PAM: variants seen among roughly 807,000 people sequenced by gnomAD.
PAM encodes the protein peptidyl-glycine alpha-amidating monooxygenase.
In PAM, 72 loss-of-function variants were observed where a neutral mutation model predicts 122.1. The ratio of observed to expected loss-of-function variants is 0.59; its 90% CI spans 0.49 to 0.72. PAM has a LOEUF of 0.72. Ranked by LOEUF, PAM falls within the 30% of genes least tolerant of loss-of-function variation. The probability of loss-of-function intolerance (pLI) is 0.00; values close to 1 mark genes in which losing one functional copy is unlikely to be tolerated. For missense variants in PAM, 1,106 were observed against 1,183.7 expected (o/e 0.93, Z 0.96); for synonymous variants, 389 against 404.4 (o/e 0.96, Z 0.46).
chr5:102,902,611 A>T (rs770215150), intron 4 of PAM, among the ~76,000 whole-genome samples: 2 of 151,624 alleles, frequency 1.3e-5, no homozygotes, highest in African/African-American at 4.8e-5. Context: ...TATTTAGAAC[A>T]TACATTCATA....
chr5:102,867,475 T>G, intron 3 of PAM, 82 bp downstream of exon 3: 1 of 990,092 alleles, frequency 1.0e-6, no homozygotes, highest in Non-Finnish European at 1.5e-6. Context: ...TTTACAGCTG[T>G]AGGAACTTCT....
intron 1 of PAM, among the ~76,000 whole-genome samples, chr5:102,772,476 G>A (rs1756073215): frequency 6.6e-6 from 1 of 152,058 alleles, no homozygotes; most frequent in Non-Finnish European, 1.5e-5. Flanking sequence ...AAAGGGGATT[G>A]CATTTTGTGT....
intron 3 of PAM, among the ~76,000 whole-genome samples, chr5:102,884,110 G>C (rs1792211139): frequency 6.6e-6 from 1 of 151,804 alleles, no homozygotes; most frequent in Non-Finnish European, 1.5e-5. Flanking sequence ...CAAGGAGTAA[G>C]TTATAAAGAG....
intron 4 of PAM, among the ~76,000 whole-genome samples, chr5:102,909,852 C>A (rs764019856): frequency 7.2e-5 from 11 of 151,862 alleles, no homozygotes; most frequent in Non-Finnish European, 1.6e-4. Flanking sequence ...ATACAAGCAA[C>A]AATTCTAGAA....
At chr5:102,992,092 A>G (rs1187809629) in intron 16 of PAM, among the ~76,000 whole-genome samples, 1 of 152,172 alleles carries the variant, frequency 6.6e-6, no homozygotes, top group African/African-American at 2.4e-5. Flanking sequence ...AAGATGAAGT[A>G]AGACTATGAA....
intron 15 of PAM, among the ~76,000 whole-genome samples, chr5:102,981,546 G>T (rs968144470): frequency 8.1e-5 from 12 of 148,188 alleles, no homozygotes; most frequent in African/African-American, 2.9e-4. Flanking sequence ...CTAAAACATA[G>T]ACTTTAATGC....
At chr5:102,946,482 A>G (rs1320160414) in intron 7 of PAM, among the ~76,000 whole-genome samples, 4 of 151,236 alleles carry the variant, frequency 2.6e-5, no homozygotes, top group Non-Finnish European at 5.9e-5. Context: ...GGAGCAAACT[A>G]TTTTAGTTCA....
At chr5:102,936,461 T>A (rs116407707) in intron 7 of PAM, among the ~76,000 whole-genome samples, 1 of 152,120 alleles carries the variant, frequency 6.6e-6, no homozygotes, top group Admixed American at 6.6e-5. Flanking sequence ...AGTTCCAACA[T>A]AGGTCTTTGT....
intron 1 of PAM, among the ~76,000 whole-genome samples, chr5:102,828,526 T>C (rs1774351234): frequency 6.6e-6 from 1 of 152,184 alleles, no homozygotes; most frequent in African/African-American, 2.4e-5. Context: ...AACTGCTATC[T>C]GTGCTCTGAT....
chr5:102,857,928 T>C (rs1339891061), intron 1 of PAM, among the ~76,000 whole-genome samples: 9 of 152,164 alleles, frequency 5.9e-5, no homozygotes, highest in East Asian at 5.8e-4. Flanking sequence ...TGTTGAAGAG[T>C]ATGGATTAAG....
At chr5:102,886,330 T>A (rs998838043) in intron 3 of PAM, among the ~76,000 whole-genome samples, 2 of 152,028 alleles carry the variant, frequency 1.3e-5, no homozygotes, top group African/African-American at 4.8e-5. Context: ...CCCAAAGATA[T>A]TATAATGTAC....
chr5:102,882,743 C>T (rs1460081766), intron 3 of PAM, among the ~76,000 whole-genome samples: 2 of 151,770 alleles, frequency 1.3e-5, no homozygotes. Context: ...ACCTATTTAT[C>T]TTTGTTTTTG....
intron 16 of PAM, among the ~76,000 whole-genome samples, chr5:102,998,586 A>T (rs1201884238): frequency 1.3e-5 from 2 of 152,230 alleles, no homozygotes; most frequent in Non-Finnish European, 2.9e-5. Flanking sequence ...TTCCAAGGAA[A>T]TAAACTAAGA....
intron 16 of PAM, among the ~76,000 whole-genome samples, chr5:103,000,646 G>A (rs550190679): frequency 6.6e-6 from 1 of 152,168 alleles, no homozygotes; most frequent in African/African-American, 2.4e-5. Context: ...CAGCATGGCT[G>A]GAGGAGCCTC....
intron 7 of PAM, among the ~76,000 whole-genome samples, chr5:102,942,692 C>T (rs1361922044): frequency 6.6e-6 from 1 of 151,238 alleles, no homozygotes; most frequent in East Asian, 2.0e-4. Flanking sequence ...AAGCAATCCT[C>T]ACAAGTAGCT....
chr5:102,814,090 C>T (rs1245751373), intron 1 of PAM, among the ~76,000 whole-genome samples: 1 of 152,158 alleles, frequency 6.6e-6, no homozygotes, highest in Non-Finnish European at 1.5e-5. Context: ...GAACTGTTCC[C>T]GTGTGCTTTT....
chr5:102,850,901 T>A (rs1781206331), intron 1 of PAM, among the ~76,000 whole-genome samples: 1 of 152,180 alleles, frequency 6.6e-6, no homozygotes, highest in South Asian at 2.1e-4. Context: ...AACTACTGAC[T>A]ACCATTTGGT....
chr5:102,814,499 G>GTCTC (rs141083370), intron 1 of PAM, among the ~76,000 whole-genome samples: 243 of 144,338 alleles, frequency 1.7e-3, no homozygotes, highest in Non-Finnish European at 2.2e-3. Context: ...AGCCAAAAGC[G>GTCTC]TCTCTCTCTC....
intron 25 of PAM, 26 bp from the exon 26 acceptor site, chr5:103,028,861 T>A: frequency 6.4e-7 from 1 of 1,553,352 alleles, no homozygotes; most frequent in East Asian, 2.3e-5. Context: ...CTTTACCCAA[T>A]TCTGTTATTG....
Sources: allele counts gnomAD v4.1 joint callset (sites outside exome capture counted in the v4.1 genomes callset), GRCh38; gene constraint gnomAD v4.1.1; transcripts MANE v1.5; gene names NCBI Gene and HGNC (gene_info 2026-07-23, HGNC 2026-07-21).